The following GALNTL6 variants were observed in gnomAD, a reference collection of about 807,000 sequenced individuals.
GALNTL6 encodes polypeptide N-acetylgalactosaminyltransferase-like 6.
GALNTL6 carries 46 observed loss-of-function variants against 73.7 expected under a neutral mutation model. That is an observed-to-expected ratio of 0.62 (90% CI 0.49 to 0.80). The LOEUF is 0.80. GALNTL6 is among the 30% of genes least tolerant of loss of function. GALNTL6 has a pLI of 0.00. For synonymous variants in GALNTL6, 259 were observed against 263.7 expected (o/e 0.98, Z 0.17); for missense variants, 604 against 755.0 (o/e 0.80, Z 2.34).
chr4:172,739,604 T>C (rs1736684683), intron 5 of GALNTL6, among the ~76,000 whole-genome samples: 1 of 152,154 alleles, frequency 6.6e-6, no homozygotes, highest in South Asian at 2.1e-4. Context: ...CTAATGTATT[T>C]ACATCAAGTT....
intron 2 of GALNTL6, among the ~76,000 whole-genome samples, chr4:172,173,273 A>C (rs997718220): frequency 2.0e-5 from 3 of 152,218 alleles, no homozygotes; most frequent in African/African-American, 7.2e-5. Flanking sequence ...CTGACTTTTA[A>C]AGTGAGTCTT....
At chr4:172,992,686 G>C (rs913405755) in intron 10 of GALNTL6, among the ~76,000 whole-genome samples, 2 of 152,072 alleles carry the variant, frequency 1.3e-5, no homozygotes, top group African/African-American at 4.8e-5. Context: ...AGAATGCAGG[G>C]TCTGAAAAAT....
At chr4:172,339,963 A>G (rs1226846038) in intron 4 of GALNTL6, among the ~76,000 whole-genome samples, 1 of 152,186 alleles carries the variant, frequency 6.6e-6, no homozygotes, top group Non-Finnish European at 1.5e-5. Flanking sequence ...GGCTGAGGCC[A>G]TCTTGAAACA....
rs183168850 is a variant in GALNTL6 at position 172,371,254 on chromosome 4, C to T, written c.553+22565C>T. ...TATTGTCCTGTCCTGAAAGGAGTTC[C>T]TCCTATGTCTGGTCGGAACTTCCTA... On this transcript the variant is annotated intron_variant, in intron 5 of 12. Coordinates refer to ENST00000506823, the MANE Select transcript of GALNTL6 (RefSeq NM_001034845.3). Among the ~76,000 whole-genome samples, 124 of 152,290 alleles carry T rather than the reference C, an allele frequency of 8.1e-4. 1 individual carries two copies. The South Asian group carries it at 0.016, about 20-fold the overall frequency.
intron 5 of GALNTL6, among the ~76,000 whole-genome samples, chr4:172,740,539 G>A (rs937274048): frequency 8.5e-5 from 13 of 152,084 alleles, no homozygotes; most frequent in Admixed American, 5.9e-4. Flanking sequence ...ACACATTGAG[G>A]GGAAAAATTT....
At chr4:172,498,774 A>G (rs1265491317) in intron 5 of GALNTL6, among the ~76,000 whole-genome samples, 1 of 152,178 alleles carries the variant, frequency 6.6e-6, no homozygotes, top group African/African-American at 2.4e-5. Flanking sequence ...ATGTATGATG[A>G]ACAGGTTTTC....
chr4:171,903,340 G>A, intron 2 of GALNTL6, among the ~76,000 whole-genome samples: 1 of 152,150 alleles, frequency 6.6e-6, no homozygotes, highest in Non-Finnish European at 1.5e-5. Flanking sequence ...GAAAGCACAA[G>A]GGGTCAGGGA....
intron 10 of GALNTL6, among the ~76,000 whole-genome samples, chr4:172,983,923 ATT>A (rs61214068): frequency 1.5e-4 from 22 of 145,662 alleles, no homozygotes; most frequent in African/African-American, 5.5e-4. Context: ...CTCCCGGTTG[ATT>A]TTTTTTTTTT....
At chr4:173,014,494 C>T (rs1752695683) in intron 11 of GALNTL6, among the ~76,000 whole-genome samples, 1 of 152,182 alleles carries the variant, frequency 6.6e-6, no homozygotes, top group African/African-American at 2.4e-5. Context: ...CACTGGCTCC[C>T]TCTCCAGGGC....
chr4:172,911,885 A>T (rs1009998795), intron 8 of GALNTL6, among the ~76,000 whole-genome samples: 3 of 152,222 alleles, frequency 2.0e-5, no homozygotes, highest in Non-Finnish European at 2.9e-5. Context: ...AGATAGTTGT[A>T]AAGTGAGCAA....
At chr4:172,708,416 A>G (rs954696437) in intron 5 of GALNTL6, among the ~76,000 whole-genome samples, 1 of 152,136 alleles carries the variant, frequency 6.6e-6, no homozygotes, top group Non-Finnish European at 1.5e-5. Flanking sequence ...TTCTCTACCA[A>G]TGTCTGAGCA....
At chr4:172,387,977 T>C (rs370585050) in intron 5 of GALNTL6, among the ~76,000 whole-genome samples, 2 of 152,108 alleles carry the variant, frequency 1.3e-5, no homozygotes, top group South Asian at 2.1e-4. Context: ...CTAATACAAA[T>C]GTACCTCTTT....
At chr4:171,963,108 A>G (rs1739277992) in intron 2 of GALNTL6, among the ~76,000 whole-genome samples, 1 of 151,260 alleles carries the variant, frequency 6.6e-6, no homozygotes, top group Non-Finnish European at 1.5e-5. Flanking sequence ...ATTGGTAAAT[A>G]CAATCTAAGA....
At chr4:172,376,168 G>C (rs1315449078) in intron 5 of GALNTL6, among the ~76,000 whole-genome samples, 1 of 152,148 alleles carries the variant, frequency 6.6e-6, no homozygotes, top group African/African-American at 2.4e-5. Flanking sequence ...ACAGAATCCT[G>C]GAGTTTATAC....
At chr4:172,798,098 G>C (rs1402308234) in intron 5 of GALNTL6, among the ~76,000 whole-genome samples, 2 of 151,962 alleles carry the variant, frequency 1.3e-5, no homozygotes, top group Non-Finnish European at 2.9e-5. Flanking sequence ...TCCTTGATGT[G>C]GCTCATATTC....
intron 2 of GALNTL6, among the ~76,000 whole-genome samples, chr4:171,916,431 T>C (rs1737634516): frequency 6.6e-6 from 1 of 152,188 alleles, no homozygotes; most frequent in Non-Finnish European, 1.5e-5. Flanking sequence ...CAAAGGCTTA[T>C]ATGTATTCTT....
At chr4:172,181,258 A>T (rs1246602171) in intron 2 of GALNTL6, among the ~76,000 whole-genome samples, 1 of 152,194 alleles carries the variant, frequency 6.6e-6, no homozygotes, top group Admixed American at 6.5e-5. Context: ...CACATCAAAA[A>T]GTATATCCAG....
At position 171,814,405 on chromosome 4, in the gene GALNTL6, T is replaced by A. The variant is rs1331556664; in HGVS notation, c.-169-7T>A. 1.6e-6 allele frequency: 1 copy of A among 626,786 alleles called. No homozygotes were observed. The highest frequency in any genetic ancestry group is 4.2e-4 in the Middle Eastern group (1 of 2,402). The allele number at this position is 626,786 out of a possible 1,614,324, so 38.8% of individuals were successfully genotyped here. A position where few individuals can be genotyped will look rare whatever the true frequency, so the allele number is the denominator to read the frequency against. The stretch of plus-strand genomic sequence containing the variant: ...GGGGGGAAAGTAACTGTGCGTTTGT[T>A]CTGCAGATGGCCAACTCCCTCTGAA... On this transcript the variant is annotated splice_polypyrimidine_tract_variant and splice_region_variant and intron_variant, in intron 1 of 12. Transcript: ENST00000506823.
intron 5 of GALNTL6, among the ~76,000 whole-genome samples, chr4:172,607,619 A>G (rs1343601398): frequency 1.3e-5 from 2 of 152,140 alleles, no homozygotes; most frequent in Non-Finnish European, 2.9e-5. Context: ...TATAGCCAAT[A>G]ATGGGGTTGT....
Sources: allele counts gnomAD v4.1 joint callset (sites outside exome capture counted in the v4.1 genomes callset), GRCh38; gene constraint gnomAD v4.1.1; transcripts MANE v1.5; gene names NCBI Gene and HGNC (gene_info 2026-07-23, HGNC 2026-07-21).